CNTN4: variants seen among roughly 807,000 people sequenced by gnomAD.
The protein encoded by CNTN4 is contactin-4.
A neutral mutation model predicts 122.5 loss-of-function variants in CNTN4; 77 were observed. That is an observed-to-expected ratio of 0.63 (90% confidence interval 0.52 to 0.76). The LOEUF (loss-of-function observed/expected upper bound fraction) is 0.76. Among genes scored for constraint, CNTN4 ranks in the 30% least tolerant of loss-of-function variants. The pLI, the probability that CNTN4 is intolerant of heterozygous loss-of-function variation, is 0.00. For missense variants in CNTN4, 1,256 were observed against 1,259.1 expected, an observed-to-expected ratio of 1.00 and a Z score of 0.04; for synonymous variants, 512 against 447.0, an observed-to-expected ratio of 1.15 and a Z score of -1.83.
At chr3:2,850,202 C>G (rs1360891252) in intron 7 of CNTN4, among the ~76,000 whole-genome samples, 1 of 152,080 alleles carries the variant, frequency 6.6e-6, no homozygotes, top group Admixed American at 6.5e-5. Context: ...GTTGGCCAGG[C>G]TGGTCTCAAA....
At chr3:2,967,520 T>C (rs1692439949) in intron 13 of CNTN4, among the ~76,000 whole-genome samples, 1 of 152,170 alleles carries the variant, frequency 6.6e-6, no homozygotes, top group Non-Finnish European at 1.5e-5. Context: ...TTATTGTCTT[T>C]GTTTTAAACT....
At chr3:2,895,443 C>T (rs2094097027) in intron 10 of CNTN4, among the ~76,000 whole-genome samples, 2 of 152,108 alleles carry the variant, frequency 1.3e-5, no homozygotes, top group Non-Finnish European at 2.9e-5. Flanking sequence ...TCATGAATAC[C>T]TATTAATAGA....
intron 5 of CNTN4, among the ~76,000 whole-genome samples, chr3:2,739,113 A>G (rs2089308974): frequency 6.6e-6 from 1 of 152,138 alleles, no homozygotes; most frequent in Admixed American, 6.5e-5. Context: ...GAAAATGAAA[A>G]CCAAAAATTC....
intron 7 of CNTN4, chr3:2,866,505 G>A: frequency 1.5e-6 from 2 of 1,325,942 alleles, no homozygotes; most frequent in Non-Finnish European, 1.9e-6. Flanking sequence ...TAAAGAGGTT[G>A]GACATCGCTT....
chr3:2,993,851 C>G (rs186589364), intron 14 of CNTN4, among the ~76,000 whole-genome samples: 15 of 152,296 alleles, frequency 9.8e-5, no homozygotes, highest in Admixed American at 8.5e-4. Context: ...TGATTATTAG[C>G]TGGAAGTGGT....
intron 4 of CNTN4, among the ~76,000 whole-genome samples, chr3:2,626,730 A>G (rs1403268766): frequency 6.6e-6 from 1 of 152,192 alleles, no homozygotes; most frequent in Non-Finnish European, 1.5e-5. Flanking sequence ...TAGCATCTTT[A>G]GATAATAAAA....
At chr3:2,381,021 T>G (rs568504696) in intron 3 of CNTN4, among the ~76,000 whole-genome samples, 58 of 152,198 alleles carry the variant, frequency 3.8e-4, no homozygotes, top group African/African-American at 1.3e-3. Context: ...CCTTTTTTTT[T>G]TGGAGACAGA....
chr3:2,797,493 G>T (rs1036695451), intron 6 of CNTN4, among the ~76,000 whole-genome samples: 1 of 152,158 alleles, frequency 6.6e-6, no homozygotes, highest in South Asian at 2.1e-4. Flanking sequence ...AGCTACTCAG[G>T]AGACTGAGGC....
chr3:2,544,221 A>G (rs767752953), intron 3 of CNTN4, among the ~76,000 whole-genome samples: 2 of 152,068 alleles, frequency 1.3e-5, no homozygotes, highest in African/African-American at 2.4e-5. Context: ...ACAATTATTC[A>G]CGCATCAAGC....
chr3:2,696,963 G>A lies in CNTN4; in HGVS notation c.56-39252G>A, dbSNP rs556472522. Among the ~76,000 whole-genome samples the A allele has an allele frequency of 2.6e-5, 4 of 152,216 alleles. No individual in the cohort carries two copies. In the South Asian group the frequency reaches 8.3e-4, roughly 32 times the overall value. On this transcript the variant is annotated intron_variant, in intron 4 of 24. Coordinates refer to ENST00000418658, the MANE Select transcript of CNTN4 (RefSeq NM_175607.3). ...ATTTAATAAAGTATGTGAATACTTA[G>A]GAACGGAAGGTTGCGAATTAAAAAA...
intron 3 of CNTN4, among the ~76,000 whole-genome samples, chr3:2,486,702 T>G (rs1342974697): frequency 1.3e-5 from 2 of 152,160 alleles, no homozygotes; most frequent in Non-Finnish European, 2.9e-5. Context: ...TTTGTTACTG[T>G]CTCCATAAAT....
Position 2,451,590 on chromosome 3 carries a change from AT to A in CNTN4, c.-89+112362del, listed in dbSNP as rs1210052526. 5.3e-5 allele frequency among the ~76,000 whole-genome samples: 8 copies of A among 152,050 alleles called. No individual in the cohort carries two copies. In the South Asian group the frequency reaches 1.0e-3, roughly 20 times the overall value. ...ATTACCAGTTTTTTATTTTTATCAAATTTTTAATAAATATTAGTTGACTGTA... is the reference window on the plus strand; with the variant it reads ...ATTACCAGTTTTTTATTTTTATCAAATTTTAATAAATATTAGTTGACTGTA... On this transcript the variant is annotated intron_variant, in intron 3 of 24. Transcript: ENST00000418658.
chr3:2,330,179 T>C (rs1301941730), intron 2 of CNTN4, among the ~76,000 whole-genome samples: 1 of 152,122 alleles, frequency 6.6e-6, no homozygotes, highest in African/African-American at 2.4e-5. Flanking sequence ...TATTTACTGG[T>C]TTATAATAAA....
intron 4 of CNTN4, among the ~76,000 whole-genome samples, chr3:2,689,909 G>A (rs570627197): frequency 1.3e-5 from 2 of 152,176 alleles, no homozygotes; most frequent in South Asian, 4.1e-4. Context: ...GTCATATCCT[G>A]TGAGGTAGGG....
chr3:3,004,283 A>C (rs967056753), intron 14 of CNTN4, among the ~76,000 whole-genome samples: 7 of 152,032 alleles, frequency 4.6e-5, no homozygotes, highest in African/African-American at 1.7e-4. Flanking sequence ...TTCTCCTCTC[A>C]GTTACTTTGG....
At chr3:2,423,500 A>G (rs2047689762) in intron 3 of CNTN4, among the ~76,000 whole-genome samples, 1 of 150,664 alleles carries the variant, frequency 6.6e-6, no homozygotes, top group Non-Finnish European at 1.5e-5. Flanking sequence ...TTTTTTTCAA[A>G]TGTGCCTCTG....
intron 3 of CNTN4, among the ~76,000 whole-genome samples, chr3:2,389,457 T>G (rs548223354): frequency 6.6e-6 from 1 of 152,356 alleles, no homozygotes; most frequent in South Asian, 2.1e-4. Flanking sequence ...CTTTCAACTA[T>G]CTTTCATAAA....
At chr3:2,111,107 A>G (rs948129480) in intron 2 of CNTN4, among the ~76,000 whole-genome samples, 4 of 152,184 alleles carry the variant, frequency 2.6e-5, no homozygotes, top group Non-Finnish European at 5.9e-5. Flanking sequence ...TCTAACTCAA[A>G]AGCCTTAGTA....
chr3:2,865,187 T>G (rs2093711184), intron 7 of CNTN4, among the ~76,000 whole-genome samples: 1 of 152,182 alleles, frequency 6.6e-6, no homozygotes, highest in African/African-American at 2.4e-5. Context: ...ATAAAATGAT[T>G]AGCCATTCTC....
Sources: gnomAD v4.1 joint callset for allele counts (sites outside exome capture counted in the v4.1 genomes callset) on GRCh38, gnomAD v4.1.1 for gene constraint, MANE v1.5 for transcripts, NCBI Gene and HGNC (gene_info 2026-07-23, HGNC 2026-07-21) for gene names.